ADGRL3: variants seen among roughly 807,000 people sequenced by gnomAD.
ADGRL3 encodes the protein adhesion G protein-coupled receptor L3, also known as calcium-independent alpha-latrotoxin receptor 3.
A neutral mutation model predicts 153.5 loss-of-function variants in ADGRL3; 62 were observed. The observed-to-expected ratio is 0.40, with a 90% confidence interval of 0.33 to 0.50. The LOEUF (loss-of-function observed/expected upper bound fraction) is 0.50, where lower values mean the gene tolerates loss of function less well. Among genes scored for constraint, ADGRL3 ranks in the 20% least tolerant of loss-of-function variants. The pLI, the probability that ADGRL3 is intolerant of heterozygous loss-of-function variation, is 0.47. For missense variants in ADGRL3, 1,641 were observed against 1,859.4 expected (o/e 0.88, Z 2.16); for synonymous variants, 710 against 672.5 (o/e 1.06, Z -0.86).
rs1160977509 is a variant in ADGRL3, at chr4:62,070,812, C to T, written c.4536C>T (p.Arg1512=). ...TGCATACTTACTACCAGCTAGGTCG[C>T]GGCAGCAGTGATGGATTTATAGTTC... ...HQLHTYYQLG[R]GSSDGFIVPP... Residue 1512 remains arginine (R), a synonymous_variant, in exon 27 of 27, where the codon CGC becomes CGT. Coordinates refer to ENST00000683033, the MANE Select transcript of ADGRL3 (RefSeq NM_001387552.1). 5.8e-6 allele frequency: 9 copies of T among 1,551,636 alleles called. No individual in the cohort carries two copies. Among genetic ancestry groups the T allele is most frequent in the African/African-American group, 1.4e-5 (1 of 73,140 alleles).
At chr4:61,339,103 G>C (rs2095749339) in intron 1 of ADGRL3, among the ~76,000 whole-genome samples, 1 of 152,118 alleles carries the variant, frequency 6.6e-6, no homozygotes, top group African/African-American at 2.4e-5. Flanking sequence ...ATTGACTCTA[G>C]AAGTGATTGA....
chr4:61,278,356 G>C (rs2093576283), intron 1 of ADGRL3, among the ~76,000 whole-genome samples: 1 of 152,050 alleles, frequency 6.6e-6, no homozygotes, highest in Non-Finnish European at 1.5e-5. Flanking sequence ...TAATTAATGA[G>C]CTAGTAACAA....
At chr4:61,833,145 G>A (rs1000272625) in intron 9 of ADGRL3, among the ~76,000 whole-genome samples, 4 of 152,002 alleles carry the variant, frequency 2.6e-5, no homozygotes, top group African/African-American at 4.8e-5. Context: ...AGACTGAATC[G>A]CAAATTGAAG....
intron 1 of ADGRL3, among the ~76,000 whole-genome samples, chr4:61,371,893 C>T (rs1261277689): frequency 6.6e-6 from 1 of 152,166 alleles, no homozygotes; most frequent in Admixed American, 6.5e-5. Context: ...TTGGTCTTTT[C>T]ACATAGTCCC....
At chr4:62,011,777 A>G (rs548950033) in intron 21 of ADGRL3, among the ~76,000 whole-genome samples, 253 of 152,274 alleles carry the variant, frequency 1.7e-3, no homozygotes, top group African/African-American at 5.8e-3. Context: ...TTCACCAGTT[A>G]GTTATTACTT....
intron 24 of ADGRL3, 140 bp from the exon 25 acceptor site, chr4:62,044,313 A>G: frequency 1.6e-6 from 1 of 637,632 alleles, no homozygotes; most frequent in Non-Finnish European, 2.9e-6. Flanking sequence ...ATGCTACTGT[A>G]CTGCAAACAT....
intron 2 of ADGRL3, among the ~76,000 whole-genome samples, chr4:61,413,468 G>T (rs1421703078): frequency 6.6e-6 from 1 of 152,066 alleles, no homozygotes; most frequent in Non-Finnish European, 1.5e-5. Context: ...CCACCTTTTT[G>T]GGGGTTGCAT....
chr4:61,934,981 C>A lies in ADGRL3; in HGVS notation c.2254C>A (p.Leu752Ile). Reference protein sequence around the residue: ...EESAFVLADNLLKTDIVRENT... With the variant: ...EESAFVLADNILKTDIVRENT... ...AAGTGCTTTTGTGCTGGCTGATAAC[C>A]TTTTGAAGACTGACATTGTCAGGGA... Residue 752 changes from leucine (L) to isoleucine (I), a missense_variant, in exon 14 of 27, where the codon CTT (leucine) becomes ATT (isoleucine). Physicochemically the swap from Leu to Ile is conservative, Grantham distance 5. Around this residue, in one of 5 missense-constraint regions of ADGRL3, gnomAD observed 734 missense variants for 797.0 expected, o/e 0.92. Coordinates refer to ENST00000683033, the MANE Select transcript of ADGRL3 (RefSeq NM_001387552.1). The A allele has an allele frequency of 6.2e-7, 1 of 1,613,754 alleles. No homozygotes were observed. The highest frequency in any genetic ancestry group is 8.5e-7 in the Non-Finnish European group (1 of 1,179,762).
At chr4:61,759,279 T>A (rs1036128677) in intron 8 of ADGRL3, among the ~76,000 whole-genome samples, 2 of 152,206 alleles carry the variant, frequency 1.3e-5, no homozygotes, top group African/African-American at 4.8e-5. Flanking sequence ...TCCAACTTGG[T>A]TCCATTCTCC....
intron 8 of ADGRL3, among the ~76,000 whole-genome samples, chr4:61,787,751 C>T (rs2097294592): frequency 6.6e-6 from 1 of 151,854 alleles, no homozygotes; most frequent in Non-Finnish European, 1.5e-5. Flanking sequence ...GTAAAATTCA[C>T]TCATTTTAAT....
At chr4:61,649,027 TA>T (rs2150355167) in intron 5 of ADGRL3, among the ~76,000 whole-genome samples, 1 of 152,110 alleles carries the variant, frequency 6.6e-6, no homozygotes, top group South Asian at 2.1e-4. Context: ...ATCTAATTCC[TA>T]AAAGTAACCA....
At chr4:62,053,865 T>C (rs1315758904) in intron 25 of ADGRL3, among the ~76,000 whole-genome samples, 5 of 151,584 alleles carry the variant, frequency 3.3e-5, no homozygotes, top group African/African-American at 7.2e-5. Flanking sequence ...AATACACCAA[T>C]ACTGGGCAGT....
chr4:61,907,638 A>G (rs2098702450), intron 11 of ADGRL3, among the ~76,000 whole-genome samples: 1 of 150,524 alleles, frequency 6.6e-6, no homozygotes, highest in Admixed American at 6.7e-5. Context: ...ATATATACAC[A>G]TGATATATAT....
intron 6 of ADGRL3, among the ~76,000 whole-genome samples, chr4:61,686,502 G>T (rs1321730697): frequency 6.6e-6 from 1 of 151,980 alleles, no homozygotes; most frequent in Non-Finnish European, 1.5e-5. Context: ...TTATTAAAAA[G>T]ATTTGTTTTA....
chr4:61,426,785 C>A (rs2097287922), intron 2 of ADGRL3: 1 of 152,310 alleles, frequency 6.6e-6, no homozygotes, highest in Non-Finnish European at 1.5e-5. Flanking sequence ...ATCATCCTGC[C>A]CCGTCTTGGG....
chr4:61,831,710 TTA>T (rs1561322148), intron 9 of ADGRL3, among the ~76,000 whole-genome samples: 1 of 152,054 alleles, frequency 6.6e-6, no homozygotes, highest in Admixed American at 6.6e-5. Context: ...GGAAGATACT[TTA>T]ATAGCCAACT....
At position 61,426,255 on chromosome 4, in the gene ADGRL3, G is replaced by A. The variant is rs139056024; in HGVS notation, c.-174+43066G>A. On this transcript the variant is annotated intron_variant, in intron 2 of 26. Coordinates refer to ENST00000683033, the MANE Select transcript of ADGRL3 (RefSeq NM_001387552.1). Reference sequence around the variant, plus strand: ...GGCCCTGGTAAACTGCCCATCTATTGGTGCAGATTGCCATAGGTGTCTCCT... The same window carrying A: ...GGCCCTGGTAAACTGCCCATCTATTAGTGCAGATTGCCATAGGTGTCTCCT... Among the ~76,000 whole-genome samples the A allele has an allele frequency of 4.8e-3, 734 of 152,348 alleles. 3 individuals are homozygous for A. Among genetic ancestry groups the A allele is most frequent in the Non-Finnish European group, 7.3e-3 (495 of 68,032 alleles).
At chr4:61,957,689 T>C (rs2098972788) in intron 17 of ADGRL3, among the ~76,000 whole-genome samples, 1 of 151,888 alleles carries the variant, frequency 6.6e-6, no homozygotes, top group Non-Finnish European at 1.5e-5. Flanking sequence ...AAATTAATTT[T>C]TTTTTTTGTA....
At chr4:61,662,421 T>A (rs1227736596) in intron 5 of ADGRL3, among the ~76,000 whole-genome samples, 1 of 152,238 alleles carries the variant, frequency 6.6e-6, no homozygotes, top group Non-Finnish European at 1.5e-5. Flanking sequence ...AGGCTAAGCC[T>A]GAGCGCTGTT....
Sources: allele counts gnomAD v4.1 joint callset (sites outside exome capture counted in the v4.1 genomes callset), GRCh38; gene constraint gnomAD v4.1.1; regional missense constraint gnomAD v4.1.1; transcripts MANE v1.5; gene names NCBI Gene and HGNC (gene_info 2026-07-23, HGNC 2026-07-21).